The following PADI3 variants were observed in gnomAD, a reference collection of about 807,000 sequenced individuals.
PADI3 encodes the protein protein-arginine deiminase type-3.
In PADI3, 53 loss-of-function variants were observed where a neutral mutation model predicts 71.5. The observed-to-expected ratio is 0.74, with a 90% CI of 0.59 to 0.93. PADI3 has a LOEUF of 0.93. Ranked by LOEUF, PADI3 falls within the 40% of genes least tolerant of loss-of-function variation. PADI3 has a pLI of 0.00. For missense variants in PADI3, 821 were observed against 868.0 expected (o/e 0.95, Z 0.68); for synonymous variants, 361 against 347.5 (o/e 1.04, Z -0.43).
intron 1 of PADI3, among the ~76,000 whole-genome samples, chr1:17,258,783 C>T (rs1300040077): frequency 6.6e-6 from 1 of 152,252 alleles, no homozygotes; most frequent in African/African-American, 2.4e-5. Flanking sequence ...AGATTGAATT[C>T]CCTTCCCAGG....
chr1:17,259,792 T>G (rs2100565197), intron 2 of PADI3, 34 bp downstream of exon 2: 26 of 1,558,740 alleles, frequency 1.7e-5, no homozygotes, highest in Non-Finnish European at 2.0e-5. Context: ...GGGAGAGGTT[T>G]CGAGGGAGGC....
In PADI3 at chr1:17,259,746, C is replaced by T; in HGVS notation, c.261C>T (p.Leu87=). The change falls in exon 2 of 16, where the codon CTC becomes CTT. Residue 87 remains leucine (L), a synonymous_variant. Transcript: ENST00000375460. ...TCATGAACTCCCCCAGCAATGACCT[C>T]AACGACAGCCATGTGAGCTGGTCCC... ...IVVMNSPSND[L]NDSHVQISYH... 6.2e-7 allele frequency: 1 copy of T among 1,604,390 alleles called. No homozygotes were observed.
intron 9 of PADI3, 60 bp downstream of exon 9, chr1:17,271,238 ATT>A: frequency 7.1e-7 from 1 of 1,408,172 alleles, no homozygotes; most frequent in Admixed American, 2.0e-5. Flanking sequence ...AGAGGCCTTC[ATT>A]TGGGGGCCAC....
In PADI3 at chr1:17,267,974, C is replaced by A. The variant is rs1272442801; in HGVS notation, c.652+12C>A. On this transcript the variant is annotated intron_variant, in intron 6 of 15. Coordinates refer to ENST00000375460, the MANE Select transcript of PADI3 (RefSeq NM_016233.2). ...CTTCCACATCTGCGGTGAGTTTGTGCCACTGCCCCTTGCCATCTGTGCCCT... is the reference window on the plus strand; with the variant it reads ...CTTCCACATCTGCGGTGAGTTTGTGACACTGCCCCTTGCCATCTGTGCCCT... The A allele has an allele frequency of 6.2e-7, 1 of 1,613,728 alleles. No homozygotes were observed. The highest frequency in any genetic ancestry group is 1.3e-5 in the African/African-American group (1 of 75,056).
In PADI3 at chr1:17,259,749, C is replaced by A. The variant is rs771465297; in HGVS notation, c.264C>A (p.Asn88Lys). 6.2e-6 allele frequency: 10 copies of A among 1,603,864 alleles called. No individual in the cohort carries two copies. Among genetic ancestry groups the A allele is most frequent in the Non-Finnish European group, 8.5e-6 (10 of 1,172,894 alleles). Residue 88 changes from asparagine (N) to lysine (K), a missense_variant, in exon 2 of 16, where the codon AAC becomes AAA. Physicochemically the swap from Asn to Lys is moderately conservative, Grantham distance 94. Transcript: ENST00000375460. ...TGAACTCCCCCAGCAATGACCTCAA[C>A]GACAGCCATGTGAGCTGGTCCCTGG... ...VVMNSPSNDL[N>K]DSHVQISYHS...
At position 17,266,790 on chromosome 1, in the gene PADI3, C is replaced by T; in HGVS notation, c.480C>T (p.Ser160=). ...TGAACTGTGACCGTGATGATCCGAG[C>T]TGTGATGTCCAGGACAATTGTGACC... The part of the protein sequence containing the change: ...LLVNCDRDDP[S]CDVQDNCDQH... Residue 160 remains serine (S), a synonymous_variant, in exon 5 of 16, where the codon AGC becomes AGT. Coordinates refer to ENST00000375460, the MANE Select transcript of PADI3 (RefSeq NM_016233.2). The T allele has an allele frequency of 6.2e-7, 1 of 1,614,144 alleles. No homozygotes were observed. Among genetic ancestry groups the T allele is most frequent in the African/African-American group, 1.3e-5 (1 of 75,028 alleles).
In PADI3 at chr1:17,270,989, C is replaced by G. The variant is rs1434927485; in HGVS notation, c.935+7C>G. On this transcript the variant is annotated splice_region_variant and intron_variant, in intron 8 of 15. Transcript: ENST00000375460. Reference sequence around the variant, plus strand: ...TAGAGGTGTATGTGTGCCGGTGAGTCTTGGGGCAGTGGGTGGTCCCTCTGG... The same window carrying G: ...TAGAGGTGTATGTGTGCCGGTGAGTGTTGGGGCAGTGGGTGGTCCCTCTGG... 6.2e-7 allele frequency: 1 copy of G among 1,613,798 alleles called. No individual in the cohort carries two copies. The highest frequency in any genetic ancestry group is 1.7e-5 in the Admixed American group (1 of 60,020).
At chr1:17,259,020 A>C (rs372060183) in intron 1 of PADI3, among the ~76,000 whole-genome samples, 2 of 152,210 alleles carry the variant, frequency 1.3e-5, no homozygotes, top group East Asian at 1.9e-4. Context: ...AGAAACTCAC[A>C]AGGGAAATGT....
intron 1 of PADI3, among the ~76,000 whole-genome samples, chr1:17,251,645 G>T (rs565286978): frequency 6.6e-6 from 1 of 152,364 alleles, no homozygotes; most frequent in South Asian, 2.1e-4. Flanking sequence ...CACATGGCCA[G>T]TGAGTGGCAG....
intron 1 of PADI3, among the ~76,000 whole-genome samples, chr1:17,251,242 G>A (rs2072962402): frequency 6.6e-6 from 1 of 152,218 alleles, no homozygotes; most frequent in African/African-American, 2.4e-5. Flanking sequence ...GCCACAGAAA[G>A]GACTCCTTTC....
At chr1:17,251,885 C>T (rs1292682164) in intron 1 of PADI3, among the ~76,000 whole-genome samples, 5 of 152,092 alleles carry the variant, frequency 3.3e-5, no homozygotes, top group Non-Finnish European at 7.4e-5. Flanking sequence ...GTCTCTGGAC[C>T]GTATTGGGAG....
At chr1:17,276,492 C>CTT in intron 11 of PADI3, 27 bp from the exon 12 acceptor site, 1 of 1,580,168 alleles carries the variant, frequency 6.3e-7, no homozygotes. Flanking sequence ...AGTTAAGCAA[C>CTT]TTTTTTTTTA....
chr1:17,279,454 C>A (rs1394832742), intron 13 of PADI3, among the ~76,000 whole-genome samples: 1 of 152,146 alleles, frequency 6.6e-6, no homozygotes, highest in Non-Finnish European at 1.5e-5. Flanking sequence ...GGGACTGGAC[C>A]CCAGCTTCCT....
In PADI3 at chr1:17,266,851, G is replaced by C. The variant is rs201378079; in HGVS notation, c.526+15G>C. On this transcript the variant is annotated intron_variant, in intron 5 of 15. Transcript: ENST00000375460. ...CTGCCTGCAAGGTGAGGCCGGGGCA[G>C]CCTGAGTCCCTGGGTGTCCAGGGTC... is the stretch of plus-strand genomic sequence containing the variant. 190 of 1,590,352 alleles carry C rather than the reference G, an allele frequency of 1.2e-4. No individual in the cohort carries two copies. Among genetic ancestry groups the C allele is most frequent in the Non-Finnish European group, 2.2e-5 (26 of 1,158,630 alleles).
rs2073423621 is a variant in PADI3, at chr1:17,283,221, G to C, written c.*142G>C. ...CTGAGGGTGACCGTCCCTCTCAGAA[G>C]CCTTTTCCCTGGAAGTGTCCATGCC... On this transcript the variant is annotated 3_prime_UTR_variant, in exon 16 of 16. Transcript: ENST00000375460. 1 of 656,886 alleles carries C rather than the reference G, an allele frequency of 1.5e-6. No homozygotes were observed. The highest frequency in any genetic ancestry group is 2.9e-5 in the Admixed American group (1 of 34,496). 40.7% of individuals were successfully genotyped at this position (656,886 alleles called of 1,614,324 possible). A position where few individuals can be genotyped will look rare whatever the true frequency, so the allele number is the denominator to read the frequency against.
chr1:17,274,213 T>C (rs560816002), intron 10 of PADI3, among the ~76,000 whole-genome samples: 7 of 142,894 alleles, frequency 4.9e-5, no homozygotes, highest in Admixed American at 4.1e-4. Flanking sequence ...TTCTCTAGAG[T>C]TCAAAGACAG....
chr1:17,270,542 G>A, intron 7 of PADI3, 131 bp downstream of exon 7: 1 of 894,700 alleles, frequency 1.1e-6, no homozygotes, highest in Non-Finnish European at 1.7e-6. Flanking sequence ...CAGTTACTTG[G>A]GAGGCTGAGG....
At chr1:17,257,809 G>A (rs1284944114) in intron 1 of PADI3, among the ~76,000 whole-genome samples, 3 of 152,170 alleles carry the variant, frequency 2.0e-5, no homozygotes, top group Non-Finnish European at 4.4e-5. Context: ...TACGTATCCT[G>A]TGCCTCAGTT....
chr1:17,265,734 C>T lies in PADI3; in HGVS notation c.408+14C>T. On this transcript the variant is annotated intron_variant, in intron 4 of 15. Transcript: ENST00000375460. Reference sequence around the variant, plus strand: ...TTTGTAGACAAGGTAAGCATCTCTGCCTGGGCCCAGGAAGCAGGAGTGCAG... The same window carrying T: ...TTTGTAGACAAGGTAAGCATCTCTGTCTGGGCCCAGGAAGCAGGAGTGCAG... 1.9e-6 allele frequency: 3 copies of T among 1,613,192 alleles called. No homozygotes were observed. The highest frequency in any genetic ancestry group is 2.5e-6 in the Non-Finnish European group (3 of 1,179,136).
Sources: gnomAD v4.1 joint callset for allele counts (sites outside exome capture counted in the v4.1 genomes callset) on GRCh38, gnomAD v4.1.1 for gene constraint, MANE v1.5 for transcripts, NCBI Gene and HGNC (gene_info 2026-07-23, HGNC 2026-07-21) for gene names.